PEX7: variants seen among roughly 807,000 people sequenced by gnomAD.
PEX7 encodes the protein peroxisomal biogenesis factor 7, also known as PTS2 receptor.
In PEX7, 34 loss-of-function variants were observed where a neutral mutation model predicts 47.5. The ratio of observed to expected loss-of-function variants is 0.72; its 90% CI spans 0.54 to 0.95. The LOEUF (loss-of-function observed/expected upper bound fraction) is 0.95, where lower values mean the gene tolerates loss of function less well. Among genes scored for constraint, PEX7 ranks in the 40% least tolerant of loss-of-function variants. The probability of loss-of-function intolerance (pLI) is 0.00; values close to 1 mark genes in which losing one functional copy is unlikely to be tolerated. For synonymous variants in PEX7, 141 were observed against 148.8 expected, an observed-to-expected ratio of 0.95 and a Z score of 0.38; for missense variants, 394 against 400.3, an observed-to-expected ratio of 0.98 and a Z score of 0.13.
intron 8 of PEX7, among the ~76,000 whole-genome samples, chr6:136,877,156 C>T (rs1332365303): frequency 6.6e-6 from 1 of 151,522 alleles, no homozygotes; most frequent in African/African-American, 2.4e-5. Context: ...AGTGACTGTT[C>T]ATATCCTTCA....
chr6:136,900,799 C>T lies in PEX7; in HGVS notation c.903+2558C>T. 3.1e-6 allele frequency: 1 copy of T among 326,132 alleles called. No individual in the cohort carries two copies. Among genetic ancestry groups the T allele is most frequent in the African/African-American group, 2.2e-5 (1 of 45,080 alleles). 20.2% of individuals were successfully genotyped at this position (326,132 alleles called of 1,614,324 possible). A position where few individuals can be genotyped will look rare whatever the true frequency, so the allele number is the denominator to read the frequency against. ...TCTCTTAGTGGGGACATCCCCTTTG[C>T]CAACAGCTTTCTTCTCAGCCTGGGC... On this transcript the variant is annotated intron_variant, in intron 9 of 9. Transcript: ENST00000318471. This position sits in a 1 kb window ranked among gnomAD's most constrained non-coding sequence, Gnocchi z 4.2.
At chr6:136,879,598 T>G (rs80294798) in intron 8 of PEX7, among the ~76,000 whole-genome samples, 475 of 152,282 alleles carry the variant, frequency 3.1e-3, no homozygotes, top group Non-Finnish European at 5.1e-3. Context: ...TTGTTGCATT[T>G]CAGTTTTTCT....
At chr6:136,874,710 G>T (rs1378408523) in intron 8 of PEX7, among the ~76,000 whole-genome samples, 2 of 151,106 alleles carry the variant, frequency 1.3e-5, no homozygotes, top group Admixed American at 1.3e-4. Flanking sequence ...AATGTTGTAG[G>T]ATTTCTTCTC....
At chr6:136,829,023 A>ATT (rs1251154943) in intron 3 of PEX7, among the ~76,000 whole-genome samples, 39 of 152,308 alleles carry the variant, frequency 2.6e-4, no homozygotes, top group African/African-American at 8.2e-4. Context: ...ACTTTTTGGT[A>ATT]AGCGTTTGTA....
intron 5 of PEX7, among the ~76,000 whole-genome samples, chr6:136,865,501 GT>G (rs2061932813): frequency 6.6e-6 from 1 of 152,098 alleles, no homozygotes; most frequent in Non-Finnish European, 1.5e-5. Flanking sequence ...GTTTCATCAT[GT>G]TGGCCAGGCT....
intron 5 of PEX7, among the ~76,000 whole-genome samples, chr6:136,849,672 T>A (rs564229890): frequency 6.6e-6 from 1 of 152,240 alleles, no homozygotes; most frequent in South Asian, 2.1e-4. Context: ...TTTGAGTGAG[T>A]TTCTTAATCC....
At chr6:136,871,763 G>T (rs1775186024) in intron 7 of PEX7, among the ~76,000 whole-genome samples, 2 of 152,128 alleles carry the variant, frequency 1.3e-5, no homozygotes, top group South Asian at 4.1e-4. Flanking sequence ...GTTTCACCAT[G>T]TTGGCCAGGC....
chr6:136,856,291 TAAAA>T (rs397759780), intron 5 of PEX7, among the ~76,000 whole-genome samples: 4 of 70,578 alleles, frequency 5.7e-5, no homozygotes, highest in South Asian at 4.4e-4. Context: ...TGGTTGAAAG[TAAAA>T]AAAAAAAAAA....
At position 136,913,610 on chromosome 6, in the gene PEX7, A is replaced by T; in HGVS notation, c.*84A>T. On this transcript the variant is annotated 3_prime_UTR_variant, in exon 10 of 10. Coordinates refer to ENST00000318471, the MANE Select transcript of PEX7 (RefSeq NM_000288.4). ...TAAATTAACTATGGAAAACATAGAC[A>T]TTATGCTTTTATATGCTATTCAGAT... 1 of 931,398 alleles carries T rather than the reference A, an allele frequency of 1.1e-6. No homozygotes were observed. Among genetic ancestry groups the T allele is most frequent in the Non-Finnish European group, 1.8e-6 (1 of 561,916 alleles). 57.7% of individuals were successfully genotyped at this position (931,398 alleles called of 1,614,324 possible). A position where few individuals can be genotyped will look rare whatever the true frequency, so the allele number is the denominator to read the frequency against.
intron 9 of PEX7, among the ~76,000 whole-genome samples, chr6:136,908,385 A>G (rs1775877742): frequency 6.6e-6 from 1 of 152,190 alleles, no homozygotes. Context: ...AAATAATAAG[A>G]TTGGTTCTCT....
chr6:136,892,445 A>G (rs1775572468), intron 8 of PEX7, among the ~76,000 whole-genome samples: 1 of 152,194 alleles, frequency 6.6e-6, no homozygotes, highest in Non-Finnish European at 1.5e-5. Context: ...AAAGTACTAG[A>G]CATGATGTCA....
intron 6 of PEX7, among the ~76,000 whole-genome samples, chr6:136,869,262 G>A (rs926117507): frequency 6.6e-6 from 1 of 151,454 alleles, no homozygotes; most frequent in Non-Finnish European, 1.5e-5. Context: ...TTTTTTTAGA[G>A]ACAGGGTCTC....
intron 8 of PEX7, among the ~76,000 whole-genome samples, chr6:136,897,473 T>G (rs1181436002): frequency 6.6e-6 from 1 of 152,212 alleles, no homozygotes; most frequent in Non-Finnish European, 1.5e-5. Flanking sequence ...ATTACCACTT[T>G]CAGTCTATGG....
chr6:136,877,006 T>C (rs541535173), intron 8 of PEX7, among the ~76,000 whole-genome samples: 13 of 152,194 alleles, frequency 8.5e-5, no homozygotes, highest in Non-Finnish European at 1.8e-4. Flanking sequence ...ATCTGTTATT[T>C]CTTGACTTTT....
chr6:136,825,380 T>C (rs1774169072), intron 2 of PEX7, 109 bp downstream of exon 2: 2 of 923,648 alleles, frequency 2.2e-6, no homozygotes, highest in African/African-American at 1.7e-5. Flanking sequence ...AAAAGGAACC[T>C]TGGCGTTTGC....
chr6:136,874,863 G>A (rs1775242475), intron 8 of PEX7, among the ~76,000 whole-genome samples: 1 of 151,878 alleles, frequency 6.6e-6, no homozygotes, highest in South Asian at 2.1e-4. Flanking sequence ...TTTTCAGCTG[G>A]GTGCAGTAGC....
In PEX7 at chr6:136,886,466, A is replaced by G. The variant is rs1775469424; in HGVS notation, c.804-11676A>G. On this transcript the variant is annotated intron_variant, in intron 8 of 9. Coordinates refer to ENST00000318471, the MANE Select transcript of PEX7 (RefSeq NM_000288.4). Reference sequence around the variant, plus strand: ...TGTAAATACTCTGGCACATAATAAGAGCTCAAAAAACTAGCAGATGTTTTA... The same window carrying G: ...TGTAAATACTCTGGCACATAATAAGGGCTCAAAAAACTAGCAGATGTTTTA... 2.0e-5 allele frequency among the ~76,000 whole-genome samples: 3 copies of G among 152,190 alleles called. No individual in the cohort carries two copies. In the South Asian group the frequency reaches 6.2e-4, roughly 32 times the overall value.
chr6:136,847,681 T>A (rs540876168), intron 5 of PEX7, among the ~76,000 whole-genome samples: 92 of 152,020 alleles, frequency 6.1e-4, no homozygotes, highest in African/African-American at 2.0e-3. Context: ...TTCTGAGGGC[T>A]CTGTTCTGTT....
chr6:136,840,244 T>G (rs1774470444), intron 3 of PEX7, among the ~76,000 whole-genome samples: 1 of 152,174 alleles, frequency 6.6e-6, no homozygotes, highest in Non-Finnish European at 1.5e-5. Flanking sequence ...GCTTAAGAAA[T>G]GAAACATTAC....
Sources: gnomAD v4.1 joint callset for allele counts (sites outside exome capture counted in the v4.1 genomes callset) on GRCh38, gnomAD v4.1.1 for gene constraint, Gnocchi (gnomAD v3.1) non-coding constraint, MANE v1.5 for transcripts, NCBI Gene and HGNC (gene_info 2026-07-23, HGNC 2026-07-21) for gene names.